KAT6B: variants seen among roughly 807,000 people sequenced by gnomAD.
KAT6B encodes the protein lysine acetyltransferase 6B.
A neutral mutation model predicts 187.5 loss-of-function variants in KAT6B; 10 were observed. That is an observed-to-expected ratio of 0.05 (90% CI 0.03 to 0.09). The LOEUF (loss-of-function observed/expected upper bound fraction) is 0.09. Among genes scored for constraint, KAT6B ranks in the 10% least tolerant of loss-of-function variants. The pLI is 1.00. For synonymous variants in KAT6B, 861 were observed against 926.8 expected, an observed-to-expected ratio of 0.93 and a Z score of 1.29; for missense variants, 1,952 against 2,558.9, an observed-to-expected ratio of 0.76 and a Z score of 5.12.
chr10:75,008,354 G>A (rs768839669), intron 13 of KAT6B, among the ~76,000 whole-genome samples: 7 of 152,152 alleles, frequency 4.6e-5, no homozygotes, highest in Admixed American at 6.5e-5. Flanking sequence ...ATTTGTGGTA[G>A]ATCTTTAGGC....
chr10:75,029,666 C>T lies in KAT6B; in HGVS notation c.4842C>T (p.Val1614=), dbSNP rs747700210. The T allele has an allele frequency of 1.2e-6, 2 of 1,614,170 alleles. No individual in the cohort carries two copies. The highest frequency in any genetic ancestry group is 1.3e-5 in the African/African-American group (1 of 75,044). The change falls in exon 18 of 18, where the codon GTC becomes GTT. Residue 1614 remains valine (V), a synonymous_variant. Coordinates refer to ENST00000287239, the MANE Select transcript of KAT6B (RefSeq NM_012330.4). The surrounding 1 kb of genome is among the most constrained non-coding windows in gnomAD (Gnocchi z 6.2). The stretch of plus-strand genomic sequence containing the variant: ...ATCCTGGCCAGTCCGTACGTTCTGT[C>T]AACAGCCCAAGTGTCCCTGCTCTGG... ...HSHPGQSVRS[V]NSPSVPALEN...
rs919538627 is a variant in KAT6B at position 75,031,542 on chromosome 10, A to G, written c.*496A>G. 1 of 237,792 alleles carries G rather than the reference A, an allele frequency of 4.2e-6. No individual in the cohort carries two copies. Among genetic ancestry groups the G allele is most frequent in the Non-Finnish European group, 8.3e-6 (1 of 119,876 alleles). 14.7% of individuals were successfully genotyped at this position (237,792 alleles called of 1,614,324 possible). ...GTGACAGTGCATTTTGTAGTACTGT[A>G]CAAGTGTTGTGCTAACAGTAAGCCA... On this transcript the variant is annotated 3_prime_UTR_variant, in exon 18 of 18. Coordinates refer to ENST00000287239, the MANE Select transcript of KAT6B (RefSeq NM_012330.4).
At chr10:74,842,122 A>C (rs1841788115) in intron 2 of KAT6B, among the ~76,000 whole-genome samples, 1 of 152,204 alleles carries the variant, frequency 6.6e-6, no homozygotes, top group Non-Finnish European at 1.5e-5. Flanking sequence ...CTAGATGGGA[A>C]GTTTTTTTAC....
chr10:74,831,237 CAT>C lies in KAT6B; in HGVS notation c.-329+4453_-329+4454del, dbSNP rs1491275811. Among the ~76,000 whole-genome samples the C allele has an allele frequency of 1.2e-4, 18 of 152,200 alleles. No individual in the cohort carries two copies. In the East Asian group the frequency reaches 1.5e-3, roughly 13 times the overall value. ...TTTACTGTGAATACAAGTCCTTTGT[CAT>C]GTGTGTGTGTTGCAAATACTGTGGC... On this transcript the variant is annotated intron_variant, in intron 1 of 17. Transcript: ENST00000287239.
At chr10:74,891,461 G>A (rs184055456) in intron 3 of KAT6B, among the ~76,000 whole-genome samples, 159 of 152,340 alleles carry the variant, frequency 1.0e-3, no homozygotes, top group African/African-American at 3.6e-3. Flanking sequence ...GGTTTGCACC[G>A]AAATGGTAAT....
At chr10:74,989,228 G>C (rs1260154531) in intron 13 of KAT6B, 116 bp downstream of exon 13, 1 of 762,822 alleles carries the variant, frequency 1.3e-6, no homozygotes, top group Non-Finnish European at 2.4e-6. Context: ...ATAGATAATG[G>C]GCTTTCTATT....
chr10:74,948,242 A>G (rs756473586), intron 3 of KAT6B, among the ~76,000 whole-genome samples: 2 of 152,224 alleles, frequency 1.3e-5, no homozygotes, highest in African/African-American at 4.8e-5. Context: ...GAATTACACT[A>G]CTTTTATTGG....
chr10:75,007,327 A>G (rs1844283028), intron 13 of KAT6B, among the ~76,000 whole-genome samples: 1 of 152,224 alleles, frequency 6.6e-6, no homozygotes, highest in African/African-American at 2.4e-5. Context: ...ACTGAGCTGC[A>G]GTGCAAGTAG....
At chr10:74,909,990 A>T (rs1847072608) in intron 3 of KAT6B, among the ~76,000 whole-genome samples, 1 of 151,964 alleles carries the variant, frequency 6.6e-6, no homozygotes, top group Non-Finnish European at 1.5e-5. Flanking sequence ...TCATTTATCT[A>T]TTGAATAGGA....
intron 3 of KAT6B, among the ~76,000 whole-genome samples, chr10:74,942,098 T>C: frequency 6.6e-6 from 1 of 152,050 alleles, no homozygotes; most frequent in East Asian, 1.9e-4. Context: ...TGCAGTGAGC[T>C]GAGACCATGC....
At chr10:74,950,289 T>C (rs1840230078) in intron 3 of KAT6B, among the ~76,000 whole-genome samples, 1 of 152,168 alleles carries the variant, frequency 6.6e-6, no homozygotes, top group African/African-American at 2.4e-5. Flanking sequence ...GGCGATAGAC[T>C]TGTCGTAAAC....
intron 13 of KAT6B, among the ~76,000 whole-genome samples, chr10:75,003,884 A>G (rs149385420): frequency 3.0e-4 from 46 of 152,336 alleles, no homozygotes; most frequent in East Asian, 2.7e-3. Context: ...TAAGCTTGTC[A>G]TAAATAAGAG....
chr10:74,844,670 G>A (rs567795241), intron 3 of KAT6B, among the ~76,000 whole-genome samples: 1 of 152,156 alleles, frequency 6.6e-6, no homozygotes, highest in Non-Finnish European at 1.5e-5. Context: ...TATTTCTATA[G>A]TATTTATAAA....
chr10:74,970,228 C>A, intron 6 of KAT6B, 127 bp downstream of exon 6: 1 of 704,034 alleles, frequency 1.4e-6, no homozygotes, highest in Non-Finnish European at 2.6e-6. Context: ...CTTCCCTATA[C>A]TTCTGAGTTT....
chr10:74,917,087 A>G (rs1331799642), intron 3 of KAT6B, among the ~76,000 whole-genome samples: 3 of 152,226 alleles, frequency 2.0e-5, no homozygotes, highest in Non-Finnish European at 4.4e-5. Context: ...CCTGGGTGAC[A>G]GGCCGAGACC....
At chr10:74,998,010 G>A (rs1843557645) in intron 13 of KAT6B, among the ~76,000 whole-genome samples, 1 of 152,180 alleles carries the variant, frequency 6.6e-6, no homozygotes, top group East Asian at 1.9e-4. Flanking sequence ...TACTCGGGAG[G>A]CTAAGGCAGG....
intron 3 of KAT6B, among the ~76,000 whole-genome samples, chr10:74,941,952 C>T (rs1360811284): frequency 1.3e-5 from 2 of 151,982 alleles, no homozygotes; most frequent in Non-Finnish European, 2.9e-5. Flanking sequence ...GAGTTCAAGA[C>T]CAGCCTGGCC....
At chr10:74,907,810 G>A (rs570821686) in intron 3 of KAT6B, among the ~76,000 whole-genome samples, 90 of 152,308 alleles carry the variant, frequency 5.9e-4, no homozygotes, top group African/African-American at 2.1e-3. Context: ...GATTACAGGC[G>A]TGAGCCACTG....
At chr10:74,867,046 A>G (rs1399922109) in intron 3 of KAT6B, among the ~76,000 whole-genome samples, 2 of 152,118 alleles carry the variant, frequency 1.3e-5, no homozygotes, top group Admixed American at 6.6e-5. Flanking sequence ...TAAACCTTGT[A>G]TGTTGGTTTA....
Sources: gnomAD v4.1 joint callset for allele counts (sites outside exome capture counted in the v4.1 genomes callset) on GRCh38, gnomAD v4.1.1 for gene constraint, Gnocchi (gnomAD v3.1) non-coding constraint, MANE v1.5 for transcripts, NCBI Gene and HGNC (gene_info 2026-07-23, HGNC 2026-07-21) for gene names.